The following CSMD1 variants were observed in gnomAD, a reference collection of about 807,000 sequenced individuals.
CSMD1 encodes CUB and sushi domain-containing protein 1.
Under a neutral mutation model 417.5 loss-of-function variants are expected in CSMD1, and 213 were observed. The ratio of observed to expected loss-of-function variants is 0.51; its 90% CI spans 0.46 to 0.57. The LOEUF is 0.57. Among genes scored for constraint, CSMD1 ranks in the 20% least tolerant of loss-of-function variants. CSMD1 has a pLI of 0.00. For missense variants in CSMD1, 6,923 were observed against 4,529.7 expected, an observed-to-expected ratio of 1.53 and a Z score of -15.17; for synonymous variants, 2,862 against 1,736.8, an observed-to-expected ratio of 1.65 and a Z score of -16.11.
At chr8:4,442,125 T>C (rs985615640) in intron 2 of CSMD1, among the ~76,000 whole-genome samples, 20 of 152,138 alleles carry the variant, frequency 1.3e-4, no homozygotes, top group Admixed American at 6.5e-4. Context: ...CCCACTCTTA[T>C]CTCCTGTCCT....
At chr8:3,008,612 T>C (rs116610460) in intron 52 of CSMD1, among the ~76,000 whole-genome samples, 3,133 of 152,294 alleles carry the variant, frequency 0.021, 99 homozygotes, top group African/African-American at 0.07. Flanking sequence ...ATCCGGTTCC[T>C]TCAGAACTCC....
intron 1 of CSMD1, among the ~76,000 whole-genome samples, chr8:4,960,617 G>C (rs1434400429): frequency 6.6e-6 from 1 of 152,102 alleles, no homozygotes; most frequent in Non-Finnish European, 1.5e-5. Flanking sequence ...ACAGTCATGG[G>C]TGCATGCATC....
At position 2,955,656 on chromosome 8, in the gene CSMD1, T is replaced by C. The variant is rs1287386710; in HGVS notation, c.9927A>G (p.Ala3309=). 6.2e-7 allele frequency: 1 copy of C among 1,613,894 alleles called. No homozygotes were observed. Among genetic ancestry groups the C allele is most frequent in the Middle Eastern group, 1.6e-4 (1 of 6,062 alleles). The change falls in exon 64 of 70, where the codon GCA becomes GCG. Residue 3309 remains alanine (A), a synonymous_variant. Coordinates refer to ENST00000635120, the MANE Select transcript of CSMD1 (RefSeq NM_033225.6). Reference sequence around the variant, plus strand: ...TACATGTTCTGTGCTCAGATCCCCCTGCGAGGAAAAAGCCTGGATGGCAGG... The same window carrying C: ...TACATGTTCTGTGCTCAGATCCCCCCGCGAGGAAAAAGCCTGGATGGCAGG... ...VYTCHPGFFL[A]GGSEHRTCKA...
chr8:4,007,508 A>T lies in CSMD1; in HGVS notation c.611-9398T>A, dbSNP rs78233223. ...TTCCTGCCCGCCCTCTCTGGCCACC[A>T]TATTTAAACTAGCACTCACCTAGAT... On this transcript the variant is annotated intron_variant, in intron 4 of 69. Coordinates refer to ENST00000635120, the MANE Select transcript of CSMD1 (RefSeq NM_033225.6). 6.1e-3 allele frequency among the ~76,000 whole-genome samples: 919 copies of T among 151,654 alleles called. 5 individuals carry two copies. Among genetic ancestry groups the T allele is most frequent in the Non-Finnish European group, 0.01 (713 of 67,968 alleles).
chr8:4,132,722 G>A (rs1259929304), intron 3 of CSMD1, among the ~76,000 whole-genome samples: 2 of 152,094 alleles, frequency 1.3e-5, no homozygotes, highest in East Asian at 3.9e-4. Context: ...CCGCTGTCAT[G>A]TGTGAATCAA....
At chr8:4,715,832 C>T (rs975526925) in intron 1 of CSMD1, among the ~76,000 whole-genome samples, 2 of 152,206 alleles carry the variant, frequency 1.3e-5, no homozygotes, top group African/African-American at 4.8e-5. Context: ...CTGGACCAAA[C>T]CAAAGTGGAC....
intron 2 of CSMD1, among the ~76,000 whole-genome samples, chr8:4,588,140 C>T (rs999821329): frequency 5.9e-5 from 9 of 151,992 alleles, no homozygotes; most frequent in East Asian, 1.9e-4. Flanking sequence ...TTTTCAAAGA[C>T]GGGCTTATTT....
chr8:4,300,309 G>C (rs1423344304), intron 3 of CSMD1, among the ~76,000 whole-genome samples: 1 of 152,046 alleles, frequency 6.6e-6, no homozygotes, highest in East Asian at 1.9e-4. Context: ...AAATATGAGG[G>C]GACCTCAAAA....
chr8:4,970,359 C>G (rs896939384), intron 1 of CSMD1, among the ~76,000 whole-genome samples: 3 of 152,028 alleles, frequency 2.0e-5, no homozygotes, highest in African/African-American at 7.2e-5. Context: ...CAAAAAGATT[C>G]AAAAATGGTA....
chr8:3,899,540 T>A (rs748460206), intron 5 of CSMD1, among the ~76,000 whole-genome samples: 1 of 152,120 alleles, frequency 6.6e-6, no homozygotes, highest in Non-Finnish European at 1.5e-5. Flanking sequence ...TGGAAAAACA[T>A]CTAAGGACAT....
At chr8:4,310,362 T>C (rs1798493463) in intron 3 of CSMD1, among the ~76,000 whole-genome samples, 1 of 152,082 alleles carries the variant, frequency 6.6e-6, no homozygotes, top group Non-Finnish European at 1.5e-5. Context: ...GGTCAAAGGG[T>C]TCACAGACAG....
chr8:4,981,166 G>A (rs980900052), intron 1 of CSMD1, among the ~76,000 whole-genome samples: 1 of 83,332 alleles, frequency 1.2e-5, no homozygotes, highest in Non-Finnish European at 2.4e-5. Context: ...TATTTGAAAC[G>A]TTCAACTGAA....
chr8:3,762,425 A>G (rs916076116), intron 5 of CSMD1, among the ~76,000 whole-genome samples: 7 of 152,210 alleles, frequency 4.6e-5, no homozygotes, highest in African/African-American at 1.7e-4. Flanking sequence ...GACACGCCAG[A>G]CTTACCCTTT....
chr8:2,966,022 CT>C, intron 58 of CSMD1, 68 bp from the exon 59 acceptor site: 1 of 1,360,186 alleles, frequency 7.4e-7, no homozygotes, highest in Non-Finnish European at 1.0e-6. Flanking sequence ...GTCACCATTT[CT>C]ATTCAAGATA....
chr8:4,161,840 AT>A (rs918534749), intron 3 of CSMD1, among the ~76,000 whole-genome samples: 13 of 152,258 alleles, frequency 8.5e-5, no homozygotes, highest in Middle Eastern at 3.4e-3. Flanking sequence ...ATGTCACTGC[AT>A]TTTTTTCTTT....
chr8:4,628,381 C>T (rs1435942524), intron 2 of CSMD1, among the ~76,000 whole-genome samples: 6 of 146,164 alleles, frequency 4.1e-5, no homozygotes, highest in Non-Finnish European at 9.0e-5. Flanking sequence ...TGTATATATA[C>T]ACACATATAT....
intron 5 of CSMD1, among the ~76,000 whole-genome samples, chr8:3,824,048 T>C (rs1378703269): frequency 2.0e-5 from 3 of 152,302 alleles, no homozygotes; most frequent in Admixed American, 6.5e-5. Context: ...AAGTCTGATA[T>C]TTCATTCTTC....
chr8:4,023,787 G>C, intron 4 of CSMD1, among the ~76,000 whole-genome samples: 1 of 51,978 alleles, frequency 1.9e-5, no homozygotes, highest in South Asian at 6.2e-4. Context: ...TTTTTTTTGT[G>C]TGTGTATTTT....
At chr8:4,037,436 G>T (rs2740915) in intron 3 of CSMD1, among the ~76,000 whole-genome samples, 44,729 of 151,978 alleles carry the variant, frequency 0.29, 6,718 homozygotes, top group Middle Eastern at 0.34. Flanking sequence ...CTATTTCTGG[G>T]GCATCTTAGA....
Sources: gnomAD v4.1 joint callset for allele counts (sites outside exome capture counted in the v4.1 genomes callset) on GRCh38, gnomAD v4.1.1 for gene constraint, MANE v1.5 for transcripts, NCBI Gene and HGNC (gene_info 2026-07-23, HGNC 2026-07-21) for gene names.